The following DENND1A variants were observed in gnomAD, a reference collection of about 807,000 sequenced individuals.
DENND1A encodes DENN domain-containing protein 1A.
DENND1A carries 51 observed loss-of-function variants against 113.7 expected under a neutral mutation model. The observed-to-expected ratio is 0.45, with a 90% CI of 0.36 to 0.57. The LOEUF is 0.57. Ranked by LOEUF, DENND1A falls within the 20% of genes least tolerant of loss-of-function variation. DENND1A has a pLI of 0.00. For synonymous variants in DENND1A, 565 were observed against 570.8 expected, an observed-to-expected ratio of 0.99 and a Z score of 0.14; for missense variants, 1,258 against 1,395.9, an observed-to-expected ratio of 0.90 and a Z score of 1.57.
chr9:123,462,823 A>C (rs953225036), intron 13 of DENND1A, among the ~76,000 whole-genome samples: 1 of 152,124 alleles, frequency 6.6e-6, no homozygotes, highest in Non-Finnish European at 1.5e-5. Context: ...CAAAAAAAAT[A>C]AAATTGGAAC....
At position 123,550,862 on chromosome 9, in the gene DENND1A, C is replaced by T. The variant is rs1379345163; in HGVS notation, c.993+6708G>A. Reference sequence around the variant, plus strand: ...TCTTCTACCATGCAGAGAAAGGACCCTCGGCCTAGCAATTAAACTCATTTG... The same window carrying T: ...TCTTCTACCATGCAGAGAAAGGACCTTCGGCCTAGCAATTAAACTCATTTG... On this transcript the variant is annotated intron_variant, in intron 13 of 23. Transcript: ENST00000394215. Among the ~76,000 whole-genome samples the T allele has an allele frequency of 2.6e-5, 4 of 152,298 alleles. No individual in the cohort carries two copies. In the East Asian group the frequency reaches 7.7e-4, roughly 29 times the overall value.
intron 11 of DENND1A, among the ~76,000 whole-genome samples, chr9:123,584,193 T>C (rs1221923387): frequency 6.6e-6 from 1 of 152,244 alleles, no homozygotes; most frequent in African/African-American, 2.4e-5. Flanking sequence ...GTCTTTATTT[T>C]ATTTTGCGTA....
chr9:123,857,831 G>C (rs531562475), intron 2 of DENND1A, among the ~76,000 whole-genome samples: 3 of 151,992 alleles, frequency 2.0e-5, no homozygotes, highest in Non-Finnish European at 4.4e-5. Context: ...AGGCCGAGGC[G>C]GGTGGATCAC....
rs1217673495 is a variant in DENND1A at position 123,516,145 on chromosome 9, CACACACACACA to C, written c.993+41414_993+41424del. Among the ~76,000 whole-genome samples, 664 of 75,880 alleles carry C rather than the reference CACACACACACA, an allele frequency of 8.8e-3. 7 individuals are homozygous for C. Among genetic ancestry groups the C allele is most frequent in the African/African-American group, 0.034 (628 of 18,214 alleles). 49.8% of individuals were successfully genotyped at this position (75,880 alleles called of 152,430 possible). Reference sequence around the variant, plus strand: ...ACACACACACACACACACACACACACACACACACACAAAGGTTGGGGGGAGAGTAGGGTAGA... The same window carrying C: ...ACACACACACACACACACACACACACAAGGTTGGGGGGAGAGTAGGGTAGA... On this transcript the variant is annotated intron_variant, in intron 13 of 23. Coordinates refer to ENST00000394215, the MANE Select transcript of DENND1A (RefSeq NM_001352964.2).
chr9:123,598,625 C>A lies in DENND1A; in HGVS notation c.765+10811G>T, dbSNP rs531836478. Among the ~76,000 whole-genome samples the A allele has an allele frequency of 6.8e-4, 103 of 152,210 alleles. 1 individual carries two copies. The highest frequency in any genetic ancestry group is 2.1e-3 in the South Asian group (10 of 4,820). On this transcript the variant is annotated intron_variant, in intron 11 of 23. Coordinates refer to ENST00000394215, the MANE Select transcript of DENND1A (RefSeq NM_001352964.2). ...AATTTCATTTAAAAAACCCCATATGCCAAAATGTCCAAATTCTCTTATTTT... is the reference window on the plus strand; with the variant it reads ...AATTTCATTTAAAAAACCCCATATGACAAAATGTCCAAATTCTCTTATTTT...
Position 123,699,803 on chromosome 9 carries a change from T to C in DENND1A, c.303-23014A>G, listed in dbSNP as rs2065777239. Among the ~76,000 whole-genome samples the C allele has an allele frequency of 4.0e-5, 6 of 151,258 alleles. No individual in the cohort carries two copies. In the South Asian group the frequency reaches 1.3e-3, roughly 32 times the overall value. On this transcript the variant is annotated intron_variant, in intron 5 of 23. Coordinates refer to ENST00000394215, the MANE Select transcript of DENND1A (RefSeq NM_001352964.2). ...ACCTTTGCCTCCCAGGTTCAAGCAA[T>C]TCTCCTGCCTCAGCCTCCCAAGTAG...
At chr9:123,610,044 C>T (rs940600569) in intron 10 of DENND1A, among the ~76,000 whole-genome samples, 8 of 152,244 alleles carry the variant, frequency 5.3e-5, no homozygotes, top group Non-Finnish European at 1.2e-4. Flanking sequence ...ATCTCCTCCC[C>T]AGTTGCACAC....
At chr9:123,515,707 G>T (rs1459527758) in intron 13 of DENND1A, among the ~76,000 whole-genome samples, 1 of 152,070 alleles carries the variant, frequency 6.6e-6, no homozygotes, top group Non-Finnish European at 1.5e-5. Context: ...AAGATGAAAT[G>T]AAGTACTTAA....
chr9:123,904,898 A>G (rs911379597), intron 1 of DENND1A, among the ~76,000 whole-genome samples: 1 of 152,198 alleles, frequency 6.6e-6, no homozygotes, highest in African/African-American at 2.4e-5. Context: ...TCCAAGACAC[A>G]TAATTGTCAG....
intron 5 of DENND1A, among the ~76,000 whole-genome samples, chr9:123,707,693 G>C (rs1045975939): frequency 6.6e-6 from 1 of 152,158 alleles, no homozygotes; most frequent in Non-Finnish European, 1.5e-5. Flanking sequence ...GGGAGTGGAA[G>C]CCTGATTGGA....
intron 5 of DENND1A, among the ~76,000 whole-genome samples, chr9:123,722,645 G>C (rs894372444): frequency 8.5e-5 from 13 of 152,196 alleles, no homozygotes; most frequent in African/African-American, 2.2e-4. Context: ...GTACAGCTCA[G>C]GCTGTTGCTT....
chr9:123,651,502 C>T (rs530951537), intron 9 of DENND1A, among the ~76,000 whole-genome samples: 291 of 152,350 alleles, frequency 1.9e-3, no homozygotes, highest in African/African-American at 6.7e-3. Context: ...AAACAAGCAC[C>T]GCCTGTTTGC....
rs1338153581 is a variant in DENND1A, at chr9:123,468,999, C to T, written c.994-11102G>A. The stretch of plus-strand genomic sequence containing the variant: ...TCCCAGGGCTCATGGTCTAATGACC[C>T]CTGAGCCCACACACACTCCTTCCCT... On this transcript the variant is annotated intron_variant, in intron 13 of 23. Coordinates refer to ENST00000394215, the MANE Select transcript of DENND1A (RefSeq NM_001352964.2). 2.6e-5 allele frequency among the ~76,000 whole-genome samples: 4 copies of T among 152,300 alleles called. No individual in the cohort carries two copies. The South Asian group carries it at 8.3e-4, about 32-fold the overall frequency.
intron 5 of DENND1A, among the ~76,000 whole-genome samples, chr9:123,688,832 G>C (rs990336706): frequency 3.3e-5 from 5 of 152,182 alleles, no homozygotes; most frequent in East Asian, 1.9e-4. Flanking sequence ...CCTTTGTACA[G>C]ATGGCACTGC....
intron 2 of DENND1A, among the ~76,000 whole-genome samples, chr9:123,847,498 C>A (rs929069335): frequency 6.6e-6 from 1 of 152,076 alleles, no homozygotes; most frequent in Non-Finnish European, 1.5e-5. Flanking sequence ...CAGAAGACAA[C>A]AAAATGACAT....
At chr9:123,463,435 T>C (rs2048694050) in intron 13 of DENND1A, among the ~76,000 whole-genome samples, 1 of 152,222 alleles carries the variant, frequency 6.6e-6, no homozygotes, top group African/African-American at 2.4e-5. Context: ...TTTATTGGCA[T>C]AAAAATAAAA....
At chr9:123,738,230 G>A (rs1417115500) in intron 5 of DENND1A, among the ~76,000 whole-genome samples, 2 of 152,164 alleles carry the variant, frequency 1.3e-5, no homozygotes, top group Non-Finnish European at 2.9e-5. Flanking sequence ...TACAGCTTAT[G>A]ACTCTAAACA....
At chr9:123,722,670 C>T (rs549417902) in intron 5 of DENND1A, among the ~76,000 whole-genome samples, 10 of 152,152 alleles carry the variant, frequency 6.6e-5, no homozygotes, top group Non-Finnish European at 1.2e-4. Flanking sequence ...GGGTGGAAGC[C>T]CCAAGCCTTG....
At chr9:123,817,203 G>A (rs1374689755) in intron 2 of DENND1A, among the ~76,000 whole-genome samples, 8 of 152,158 alleles carry the variant, frequency 5.3e-5, no homozygotes, top group Non-Finnish European at 8.8e-5. Flanking sequence ...TTTGTACCCA[G>A]TCTTTGTCCC....
Sources: allele counts gnomAD v4.1 joint callset (sites outside exome capture counted in the v4.1 genomes callset), GRCh38; gene constraint gnomAD v4.1.1; transcripts MANE v1.5; gene names NCBI Gene and HGNC (gene_info 2026-07-23, HGNC 2026-07-21).